The following ATPSCKMT variants were observed in gnomAD, a reference collection of about 807,000 sequenced individuals.
The protein encoded by ATPSCKMT is ATP synthase subunit C lysine N-methyltransferase.
In ATPSCKMT, 24 loss-of-function variants were observed where a neutral mutation model predicts 24.3. The observed-to-expected ratio is 0.99, with a 90% CI of 0.71 to 1.39. ATPSCKMT has a LOEUF of 1.39. ATPSCKMT is among the 40% of genes most tolerant of loss of function. The pLI is 0.00. For synonymous variants in ATPSCKMT, 95 were observed against 110.5 expected, an observed-to-expected ratio of 0.86 and a Z score of 0.88; for missense variants, 311 against 298.4, an observed-to-expected ratio of 1.04 and a Z score of -0.31.
Position 10,239,216 on chromosome 5 carries a change from C to A in ATPSCKMT, c.157G>T (p.Ala53Ser), listed in dbSNP as rs373109098. ...GGCGTTACAAACGGCGTGGCTACAG[C>A]GTACACAGCCACCAGGGTGCCACCC... is the stretch of plus-strand genomic sequence containing the variant. Reference protein sequence around the residue: ...LVGGTLVAVYAVATPFVTPAL... With the variant: ...LVGGTLVAVYSVATPFVTPAL... Residue 53 changes from alanine to serine, a missense_variant, in exon 2 of 5, where the codon GCT (alanine) becomes TCT (serine). By Grantham distance (99) the Ala-to-Ser change is moderately conservative (BLOSUM62 1). Transcript: ENST00000511437. 5 of 1,614,096 alleles carry A rather than the reference C, an allele frequency of 3.1e-6. No individual in the cohort carries two copies. The highest frequency in any genetic ancestry group is 3.3e-5 in the Admixed American group (2 of 60,012).
chr5:10,237,763 T>TC (rs1744439738), intron 2 of ATPSCKMT, among the ~76,000 whole-genome samples: 1 of 151,924 alleles, frequency 6.6e-6, no homozygotes, highest in African/African-American at 2.4e-5. Context: ...TCTTTTTTTT[T>TC]TGAGATGGAG....
rs969578563 is a variant in ATPSCKMT at position 10,227,586 on chromosome 5, C to T, written c.557G>A (p.Cys186Tyr). 2 of 1,614,120 alleles carry T rather than the reference C, an allele frequency of 1.2e-6. No individual in the cohort carries two copies. Among genetic ancestry groups the T allele is most frequent in the African/African-American group, 2.7e-5 (2 of 74,926 alleles). The part of the protein sequence containing the change: ...ELEDDARVIA[C>Y]RFPFPHWTPD... ...AGTCCAATGTGGGAAAGGGAACCGG[C>T]AAGCAATAACTCGTGCATCATCCTC... Residue 186 changes from cysteine (C) to tyrosine (Y), a missense_variant, in exon 5 of 5, where the codon TGC becomes TAC. Physicochemically the swap from Cys to Tyr is radical, Grantham distance 194 (BLOSUM62 -2). Coordinates refer to ENST00000511437, the MANE Select transcript of ATPSCKMT (RefSeq NM_199133.4).
chr5:10,230,703 T>C (rs939013012), intron 4 of ATPSCKMT, among the ~76,000 whole-genome samples: 2 of 152,112 alleles, frequency 1.3e-5, no homozygotes, highest in South Asian at 4.1e-4. Context: ...CTGAAAGGTA[T>C]AAGATAACCC....
At chr5:10,247,244 A>G (rs898268838) in intron 1 of ATPSCKMT, among the ~76,000 whole-genome samples, 2 of 152,226 alleles carry the variant, frequency 1.3e-5, no homozygotes, top group Non-Finnish European at 2.9e-5. Context: ...GGAAATCAAG[A>G]TCCATACCCA....
chr5:10,243,270 G>T (rs1245750629), intron 1 of ATPSCKMT, among the ~76,000 whole-genome samples: 1 of 152,208 alleles, frequency 6.6e-6, no homozygotes, highest in Non-Finnish European at 1.5e-5. Context: ...CGGATCACAA[G>T]GTCAGGAGTT....
chr5:10,247,228 G>C (rs1162988494), intron 1 of ATPSCKMT, among the ~76,000 whole-genome samples: 2 of 152,222 alleles, frequency 1.3e-5, no homozygotes, highest in African/African-American at 4.8e-5. Flanking sequence ...ACAAACATTT[G>C]CATGGGGAAA....
intron 4 of ATPSCKMT, 66 bp downstream of exon 4, chr5:10,235,145 G>T: frequency 6.8e-7 from 1 of 1,469,526 alleles, no homozygotes; most frequent in Non-Finnish European, 9.5e-7. Flanking sequence ...GAGTGGTGGT[G>T]TTGTGGCTGG....
At chr5:10,242,701 T>G (rs1334064506) in intron 1 of ATPSCKMT, among the ~76,000 whole-genome samples, 1 of 152,230 alleles carries the variant, frequency 6.6e-6, no homozygotes, top group Admixed American at 6.5e-5. Context: ...CACTATCTAT[T>G]GCATCTCTAG....
At chr5:10,246,105 C>T (rs1219737177) in intron 1 of ATPSCKMT, among the ~76,000 whole-genome samples, 1 of 152,160 alleles carries the variant, frequency 6.6e-6, no homozygotes, top group Non-Finnish European at 1.5e-5. Context: ...CAGCCCTAAG[C>T]AACCACTAAT....
chr5:10,245,964 A>G (rs1039913161), intron 1 of ATPSCKMT, among the ~76,000 whole-genome samples: 8 of 152,154 alleles, frequency 5.3e-5, no homozygotes, highest in Non-Finnish European at 1.0e-4. Context: ...CTTAAAGTAT[A>G]TAATTTAATG....
At chr5:10,248,578 T>G (rs1745073565) in intron 1 of ATPSCKMT, 1 of 152,302 alleles carries the variant, frequency 6.6e-6, no homozygotes, top group South Asian at 2.1e-4. Context: ...AGACAGAATC[T>G]CGCTCTGTCG....
chr5:10,243,531 T>C (rs1744748922), intron 1 of ATPSCKMT, among the ~76,000 whole-genome samples: 1 of 152,196 alleles, frequency 6.6e-6, no homozygotes, highest in Non-Finnish European at 1.5e-5. Context: ...ATCAACAATC[T>C]TAGCTAGATC....
At chr5:10,246,803 G>A (rs1443349407) in intron 1 of ATPSCKMT, among the ~76,000 whole-genome samples, 1 of 152,230 alleles carries the variant, frequency 6.6e-6, no homozygotes, top group Non-Finnish European at 1.5e-5. Context: ...CAGATGAGGG[G>A]TGGGGTCCAG....
intron 1 of ATPSCKMT, among the ~76,000 whole-genome samples, chr5:10,245,123 G>A (rs1205266310): frequency 6.6e-6 from 1 of 152,092 alleles, no homozygotes; most frequent in Non-Finnish European, 1.5e-5. Context: ...GAAATAATTT[G>A]TTTAAACACA....
At chr5:10,246,140 T>C (rs1744911807) in intron 1 of ATPSCKMT, among the ~76,000 whole-genome samples, 1 of 152,014 alleles carries the variant, frequency 6.6e-6, no homozygotes, top group Admixed American at 6.6e-5. Context: ...AAGAATCCCC[T>C]ATTCTGGGGC....
intron 1 of ATPSCKMT, among the ~76,000 whole-genome samples, chr5:10,242,760 C>T (rs1744707314): frequency 6.6e-6 from 1 of 152,158 alleles, no homozygotes; most frequent in South Asian, 2.1e-4. Flanking sequence ...GTCAAAATTA[C>T]CCCCTTGATC....
At chr5:10,242,880 A>G (rs926538004) in intron 1 of ATPSCKMT, among the ~76,000 whole-genome samples, 8 of 152,258 alleles carry the variant, frequency 5.3e-5, no homozygotes, top group African/African-American at 1.7e-4. Context: ...ATCAATGAGC[A>G]GTAATATTTT....
intron 4 of ATPSCKMT, among the ~76,000 whole-genome samples, chr5:10,231,009 T>C (rs113255873): frequency 8.2e-3 from 417 of 50,586 alleles, no homozygotes; most frequent in African/African-American, 0.021. Flanking sequence ...CACCCACCAC[T>C]GCCAGCCTGA....
chr5:10,234,320 C>T (rs1744280340), intron 4 of ATPSCKMT, among the ~76,000 whole-genome samples: 1 of 151,364 alleles, frequency 6.6e-6, no homozygotes, highest in South Asian at 2.1e-4. Context: ...AGAACAAGAC[C>T]CTGGCTCAAA....
Sources: allele counts gnomAD v4.1 joint callset (sites outside exome capture counted in the v4.1 genomes callset), GRCh38; gene constraint gnomAD v4.1.1; transcripts MANE v1.5; gene names NCBI Gene and HGNC (gene_info 2026-07-23, HGNC 2026-07-21).